Variants in PCDHGA7 observed in about 807,000 individuals in gnomAD.
PCDHGA7 encodes protocadherin gamma subfamily A, 7, also known as protocadherin gamma-A7.
PCDHGA7 carries 44 observed loss-of-function variants against 58.3 expected under a neutral mutation model. That is an observed-to-expected ratio of 0.75 (90% CI 0.59 to 0.97). The LOEUF (loss-of-function observed/expected upper bound fraction) is 0.97. PCDHGA7 is among the 50% of genes least tolerant of loss of function. The pLI, the probability that PCDHGA7 is intolerant of heterozygous loss-of-function variation, is 0.00. For synonymous variants in PCDHGA7, 516 were observed against 504.2 expected (o/e 1.02, Z -0.31); for missense variants, 1,266 against 1,188.7 (o/e 1.06, Z -0.96).
intron 1 of PCDHGA7, chr5:141,398,687 A>T (rs940121215): frequency 1.9e-6 from 3 of 1,613,940 alleles, no homozygotes; most frequent in Non-Finnish European, 2.5e-6. Context: ...GAGAAACAGG[A>T]TGGTAGTAAA....
chr5:141,433,076 C>G, intron 1 of PCDHGA7: 1 of 1,614,188 alleles, frequency 6.2e-7, no homozygotes, highest in Non-Finnish European at 8.5e-7. Context: ...CTTCCCCCAG[C>G]CCAACTATGC....
At chr5:141,483,980 G>A (rs1379963326) in intron 1 of PCDHGA7, among the ~76,000 whole-genome samples, 4 of 148,294 alleles carry the variant, frequency 2.7e-5, no homozygotes, top group Non-Finnish European at 5.9e-5. Flanking sequence ...CAAGGGAGTA[G>A]CTAGGTTGCT....
intron 1 of PCDHGA7, chr5:141,403,221 T>G (rs899056141): frequency 1.3e-5 from 21 of 1,613,974 alleles, no homozygotes; most frequent in Non-Finnish European, 1.8e-5. Flanking sequence ...GCGGGTAGGA[T>G]AGACCGGGAG....
chr5:141,503,630 A>G, intron 2 of PCDHGA7, among the ~76,000 whole-genome samples: 1 of 152,088 alleles, frequency 6.6e-6, no homozygotes, highest in Admixed American at 6.6e-5. Flanking sequence ...AAGAAAAGAA[A>G]TAATTATTGA....
Position 141,383,142 on chromosome 5 carries a change from C to A in PCDHGA7, c.243C>A (p.Ser81Arg), listed in dbSNP as rs1778858149. 2 of 1,614,006 alleles carry A rather than the reference C, an allele frequency of 1.2e-6. No individual in the cohort carries two copies. Among genetic ancestry groups the A allele is most frequent in the Admixed American group, 3.3e-5 (2 of 60,012 alleles). Residue 81 changes from serine (S) to arginine (R), a missense_variant, in exon 1 of 4, where the codon AGC becomes AGA. Physicochemically the swap from Ser to Arg is moderately radical, Grantham distance 110. Coordinates refer to ENST00000518325, the MANE Select transcript of PCDHGA7 (RefSeq NM_018920.4). ...AGCTTTTCGCCCTGAACCAGCGCAG[C>A]GGCAGCTTGGTCACTGCGGGCAGGA... ...RTQLFALNQRSGSLVTAGRID... is the reference protein window; with the variant it reads ...RTQLFALNQRRGSLVTAGRID...
rs1561964279 is a variant in PCDHGA7 at position 141,456,201 on chromosome 5, A to G, written c.2425-38606A>G. 2.0e-5 allele frequency among the ~76,000 whole-genome samples: 3 copies of G among 152,228 alleles called. No homozygotes were observed. The South Asian group carries it at 6.2e-4, about 32-fold the overall frequency. On this transcript the variant is annotated intron_variant, in intron 1 of 3. Coordinates refer to ENST00000518325, the MANE Select transcript of PCDHGA7 (RefSeq NM_018920.4). ...ATAATTTCTTAATAACTCCTACCAC[A>G]TTCCTCCCTGTGGCGATATCAAACT...
intron 1 of PCDHGA7, among the ~76,000 whole-genome samples, chr5:141,444,152 ATTTTTTTTTTTTTTTTTTTTTT>A (rs747671382): frequency 8.9e-5 from 3 of 33,882 alleles, no homozygotes; most frequent in East Asian, 1.0e-3. Flanking sequence ...TGTGTACTGG[ATTTTTTTTTTTTTTTTTTTTTT>A]TTTTTTTTTT....
intron 1 of PCDHGA7, among the ~76,000 whole-genome samples, chr5:141,443,466 A>G (rs1402303157): frequency 6.6e-6 from 1 of 152,184 alleles, no homozygotes; most frequent in East Asian, 1.9e-4. Flanking sequence ...AGTCTGGGTG[A>G]CAGAATTAGA....
chr5:141,510,833 C>G, intron 3 of PCDHGA7, 114 bp from the exon 4 acceptor site: 2 of 1,577,796 alleles, frequency 1.3e-6, no homozygotes, highest in Admixed American at 1.7e-5. Context: ...CAGTGCTCAG[C>G]GTGGTCAAGG....
intron 1 of PCDHGA7, among the ~76,000 whole-genome samples, chr5:141,467,571 A>T (rs1228156610): frequency 6.6e-6 from 1 of 152,212 alleles, no homozygotes; most frequent in African/African-American, 2.4e-5. Context: ...ATGGCTATCC[A>T]GTTGTCCCAA....
chr5:141,439,676 G>A (rs543598257), intron 1 of PCDHGA7, among the ~76,000 whole-genome samples: 27 of 152,292 alleles, frequency 1.8e-4, no homozygotes, highest in Admixed American at 1.0e-3. Flanking sequence ...GCAAATCCAA[G>A]AGCAGACCCA....
rs564367150 is a variant in PCDHGA7 at position 141,464,990 on chromosome 5, C to T, written c.2425-29817C>T. Among the ~76,000 whole-genome samples, 147 of 152,192 alleles carry T rather than the reference C, an allele frequency of 9.7e-4. 1 individual carries two copies. Among genetic ancestry groups the T allele is most frequent in the African/African-American group, 3.5e-3 (144 of 41,536 alleles). On this transcript the variant is annotated intron_variant, in intron 1 of 3. Transcript: ENST00000518325. ...CTACTGGCTTCAAGTGATCCTCCCA[C>T]CTCAGCCTCCCAAAGTGCTAAGATT...
At chr5:141,399,663 G>T (rs766997364) in intron 1 of PCDHGA7, 4 of 1,613,506 alleles carry the variant, frequency 2.5e-6, no homozygotes, top group Admixed American at 3.3e-5. Context: ...TGGTGTTCGC[G>T]CAGCGCGCCT....
At position 141,413,851 on chromosome 5, in the gene PCDHGA7, C is replaced by T. The variant is rs766108205; in HGVS notation, c.2424+28528C>T. The T allele has an allele frequency of 1.5e-5, 25 of 1,613,340 alleles. No homozygotes were observed. In the East Asian group the frequency reaches 2.7e-4, roughly 17 times the overall value. ...CGCCTCCGACGGGGGTGACCCTCTC[C>T]GATCTGGCACTGTCCTTGTCAGTGT... On this transcript the variant is annotated intron_variant, in intron 1 of 3. Coordinates refer to ENST00000518325, the MANE Select transcript of PCDHGA7 (RefSeq NM_018920.4).
In PCDHGA7 at chr5:141,511,421, G is replaced by A. The variant is rs1289887363; in HGVS notation, c.*248G>A. 19 of 829,148 alleles carry A rather than the reference G, an allele frequency of 2.3e-5. No individual in the cohort carries two copies. The highest frequency in any genetic ancestry group is 3.8e-4 in the Middle Eastern group (1 of 2,640). 51.4% of individuals were successfully genotyped at this position (829,148 alleles called of 1,614,324 possible). On this transcript the variant is annotated 3_prime_UTR_variant, in exon 4 of 4. Coordinates refer to ENST00000518325, the MANE Select transcript of PCDHGA7 (RefSeq NM_018920.4). The stretch of plus-strand genomic sequence containing the variant: ...CCAATCAACTGCTGTACCCATGGGG[G>A]TAGTGGGGTTACTGTAGACACCAAG...
chr5:141,394,514 C>G (rs2093021412), intron 1 of PCDHGA7: 2 of 1,614,230 alleles, frequency 1.2e-6, no homozygotes, highest in South Asian at 1.1e-5. Context: ...ACCCCGCCCT[C>G]CCCACAGACG....
Position 141,478,120 on chromosome 5 carries a change from G to A in PCDHGA7, c.2425-16687G>A, listed in dbSNP as rs772548778. 3.1e-6 allele frequency: 5 copies of A among 1,613,948 alleles called. No homozygotes were observed. In the Admixed American group the frequency reaches 6.7e-5, roughly 22 times the overall value. ...CTACCCTCACTGTGTCAGTAACCGA[G>A]GACTCTCCTGAAGCCCGAGCCGAGT... On this transcript the variant is annotated intron_variant, in intron 1 of 3. Coordinates refer to ENST00000518325, the MANE Select transcript of PCDHGA7 (RefSeq NM_018920.4).
chr5:141,487,404 C>A lies in PCDHGA7; in HGVS notation c.2425-7403C>A, dbSNP rs771371344. 1.2e-6 allele frequency: 2 copies of A among 1,614,178 alleles called. No homozygotes were observed. Among genetic ancestry groups the A allele is most frequent in the Non-Finnish European group, 1.7e-6 (2 of 1,180,032 alleles). ...AGATCTCGAAGGAGGGAGGGGCTTC[C>A]CCCTTCCAATGGGATCCTCCGAATC... is the stretch of plus-strand genomic sequence containing the variant. On this transcript the variant is annotated intron_variant, in intron 1 of 3. Coordinates refer to ENST00000518325, the MANE Select transcript of PCDHGA7 (RefSeq NM_018920.4). The surrounding 1 kb of genome is among the most constrained non-coding windows in gnomAD (Gnocchi z 5.0).
At chr5:141,440,093 GA>G (rs2098151022) in intron 1 of PCDHGA7, 1 of 152,302 alleles carries the variant, frequency 6.6e-6, no homozygotes, top group Non-Finnish European at 1.5e-5. Context: ...TCTAAGTGGG[GA>G]AAGTGGAGAC....
Sources: gnomAD v4.1 joint callset for allele counts (sites outside exome capture counted in the v4.1 genomes callset) on GRCh38, gnomAD v4.1.1 for gene constraint, Gnocchi (gnomAD v3.1) non-coding constraint, MANE v1.5 for transcripts, NCBI Gene and HGNC (gene_info 2026-07-23, HGNC 2026-07-21) for gene names.